Variants in FUT9 observed in about 807,000 individuals in gnomAD.
FUT9 encodes the protein 4-galactosyl-N-acetylglucosaminide 3-alpha-L-fucosyltransferase 9.
In FUT9, 15 loss-of-function variants were observed where a neutral mutation model predicts 29.7. The observed-to-expected ratio is 0.51, with a 90% CI of 0.34 to 0.78. The LOEUF (loss-of-function observed/expected upper bound fraction) is 0.78. Among genes scored for constraint, FUT9 ranks in the 30% least tolerant of loss-of-function variants. The probability of loss-of-function intolerance (pLI) is 0.01; values close to 1 mark genes in which losing one functional copy is unlikely to be tolerated. For synonymous variants in FUT9, 169 were observed against 153.7 expected (o/e 1.10, Z -0.74); for missense variants, 319 against 425.4 (o/e 0.75, Z 2.20).
chr6:96,148,157 C>A (rs2127975729), intron 2 of FUT9, among the ~76,000 whole-genome samples: 1 of 152,228 alleles, frequency 6.6e-6, no homozygotes, highest in African/African-American at 2.4e-5. Flanking sequence ...GACTAAAAGT[C>A]TTTCCAACAG....
At chr6:96,194,450 G>T (rs1207780439) in intron 2 of FUT9, among the ~76,000 whole-genome samples, 1 of 152,106 alleles carries the variant, frequency 6.6e-6, no homozygotes, top group African/African-American at 2.4e-5. Context: ...CACTTAGAAA[G>T]AAATGTCCGT....
intron 2 of FUT9, among the ~76,000 whole-genome samples, chr6:96,180,930 T>TAAAA: frequency 2.8e-5 from 1 of 35,716 alleles, no homozygotes; most frequent in Non-Finnish European, 1.1e-4. Context: ...TACTGTTAAG[T>TAAAA]AAAAGAAAAA....
At chr6:96,046,334 A>C (rs1008507542) in intron 1 of FUT9, among the ~76,000 whole-genome samples, 1 of 152,102 alleles carries the variant, frequency 6.6e-6, no homozygotes, top group African/African-American at 2.4e-5. Flanking sequence ...ATTTCATTTA[A>C]GAAAATTGTT....
At chr6:96,092,073 C>A (rs1562121816) in intron 1 of FUT9, among the ~76,000 whole-genome samples, 1 of 152,014 alleles carries the variant, frequency 6.6e-6, no homozygotes, top group Non-Finnish European at 1.5e-5. Flanking sequence ...TATACTATGA[C>A]AAAGTAGGGT....
At chr6:96,019,547 G>A (rs189119630) in intron 1 of FUT9, among the ~76,000 whole-genome samples, 7 of 151,876 alleles carry the variant, frequency 4.6e-5, no homozygotes, top group Admixed American at 1.3e-4. Context: ...TTAGCAGAAC[G>A]CATTCTTAGG....
At chr6:96,122,727 T>C (rs988439195) in intron 2 of FUT9, among the ~76,000 whole-genome samples, 2 of 152,094 alleles carry the variant, frequency 1.3e-5, no homozygotes, top group East Asian at 3.9e-4. Flanking sequence ...AATATTTTGC[T>C]TTCATCAAAT....
At chr6:96,041,068 G>C (rs1770451275) in intron 1 of FUT9, among the ~76,000 whole-genome samples, 1 of 151,722 alleles carries the variant, frequency 6.6e-6, no homozygotes, top group South Asian at 2.1e-4. Flanking sequence ...GGCTGGGCCA[G>C]TGTCCCTCCC....
Position 96,203,601 on chromosome 6 carries a change from A to G in FUT9, c.446A>G (p.Glu149Gly), listed in dbSNP as rs1562163894. Residue 149 changes from glutamate to glycine, a missense_variant, in exon 3 of 3, where the codon GAG becomes GGG. Coordinates refer to ENST00000302103, the MANE Select transcript of FUT9 (RefSeq NM_006581.4). ...CACACTCCCCAAAAGAGTGGCATTG[A>G]GCACTTGTTTAACCTGACTCTGACT... ...PTHTPQKSGIEHLFNLTLTYR... is the reference protein window; with the variant it reads ...PTHTPQKSGIGHLFNLTLTYR... 6.2e-7 allele frequency: 1 copy of G among 1,613,940 alleles called. No individual in the cohort carries two copies.
rs1411148613 is a variant in FUT9, at chr6:96,209,740, C to T, written c.*5505C>T. On this transcript the variant is annotated 3_prime_UTR_variant, in exon 3 of 3. Coordinates refer to ENST00000302103, the MANE Select transcript of FUT9 (RefSeq NM_006581.4). ...TTAAAAATATTTTATTTAAAAATAA[C>T]CTCTCAAACACCAGTTGCTTTCTGT... 1.8e-5 allele frequency: 3 copies of T among 166,648 alleles called. No individual in the cohort carries two copies. The highest frequency in any genetic ancestry group is 4.4e-5 in the Non-Finnish European group (3 of 68,020). The allele number at this position is 166,648 out of a possible 1,614,324, so 10.3% of individuals were successfully genotyped here. A position where few individuals can be genotyped will look rare whatever the true frequency, so the allele number is the denominator to read the frequency against.
chr6:96,115,971 C>T (rs1771903806), intron 2 of FUT9, among the ~76,000 whole-genome samples: 1 of 151,968 alleles, frequency 6.6e-6, no homozygotes, highest in Non-Finnish European at 1.5e-5. Flanking sequence ...GAAAAAAAAT[C>T]TAACATTTAA....
chr6:96,122,461 C>G (rs1772047584), intron 2 of FUT9, among the ~76,000 whole-genome samples: 1 of 152,150 alleles, frequency 6.6e-6, no homozygotes, highest in Non-Finnish European at 1.5e-5. Flanking sequence ...AATCCAACCA[C>G]CACAGAAATT....
intron 2 of FUT9, among the ~76,000 whole-genome samples, chr6:96,117,538 A>G (rs1562130940): frequency 6.6e-6 from 1 of 152,210 alleles, no homozygotes; most frequent in Non-Finnish European, 1.5e-5. Flanking sequence ...GTTTCTGTAT[A>G]TACATCATAA....
At chr6:96,169,343 A>G (rs1427453346) in intron 2 of FUT9, among the ~76,000 whole-genome samples, 1 of 152,256 alleles carries the variant, frequency 6.6e-6, no homozygotes, top group Non-Finnish European at 1.5e-5. Context: ...CATGGAGGAT[A>G]AGGTTATTTG....
chr6:96,052,551 G>C (rs1337474196), intron 1 of FUT9, among the ~76,000 whole-genome samples: 2 of 152,104 alleles, frequency 1.3e-5, no homozygotes, highest in Non-Finnish European at 2.9e-5. Flanking sequence ...ATTAAGTCAA[G>C]GCAGAAAGAA....
rs1052939243 is a variant in FUT9, at chr6:96,206,993, T to C, written c.*2758T>C. ...ACTACTAAGTATCTAGCAGGTGCTT[T>C]GAAACCCCATTACTAAGTCCCAGAA... On this transcript the variant is annotated 3_prime_UTR_variant, in exon 3 of 3. Coordinates refer to ENST00000302103, the MANE Select transcript of FUT9 (RefSeq NM_006581.4). The C allele has an allele frequency of 6.0e-6, 1 of 167,038 alleles. No homozygotes were observed. Among genetic ancestry groups the C allele is most frequent in the Non-Finnish European group, 1.5e-5 (1 of 68,116 alleles). 10.3% of individuals were successfully genotyped at this position (167,038 alleles called of 1,614,324 possible). A position where few individuals can be genotyped will look rare whatever the true frequency, so the allele number is the denominator to read the frequency against.
At chr6:96,029,855 A>G (rs1196209636) in intron 1 of FUT9, among the ~76,000 whole-genome samples, 1 of 151,538 alleles carries the variant, frequency 6.6e-6, no homozygotes, top group Non-Finnish European at 1.5e-5. Context: ...AAATTGAAAG[A>G]GCAGGAAAGA....
intron 1 of FUT9, chr6:96,036,929 G>C (rs1042809058): frequency 6.6e-6 from 1 of 151,978 alleles, no homozygotes; most frequent in East Asian, 1.9e-4. Context: ...TCTGGGTTGG[G>C]ATGGGAGATT....
intron 1 of FUT9, among the ~76,000 whole-genome samples, chr6:96,049,443 A>T (rs1770625851): frequency 6.6e-6 from 1 of 152,258 alleles, no homozygotes; most frequent in South Asian, 2.1e-4. Flanking sequence ...AAGGAAGTAT[A>T]TCTTAGTCCT....
chr6:96,088,527 G>T (rs1276343750), intron 1 of FUT9, among the ~76,000 whole-genome samples: 23 of 108,404 alleles, frequency 2.1e-4, no homozygotes, highest in African/African-American at 7.9e-4. Flanking sequence ...CTGTTTGTTT[G>T]TTTTGTGTGT....
Sources: gnomAD v4.1 joint callset for allele counts (sites outside exome capture counted in the v4.1 genomes callset) on GRCh38, gnomAD v4.1.1 for gene constraint, MANE v1.5 for transcripts, NCBI Gene and HGNC (gene_info 2026-07-23, HGNC 2026-07-21) for gene names.